NDST3: variants seen among roughly 807,000 people sequenced by gnomAD.
The protein encoded by NDST3 is bifunctional heparan sulfate N-deacetylase/N-sulfotransferase 3.
In NDST3, 58 loss-of-function variants were observed where a neutral mutation model predicts 96.1. The observed-to-expected ratio is 0.60, with a 90% CI of 0.49 to 0.75. The LOEUF (loss-of-function observed/expected upper bound fraction) is 0.75. NDST3 is among the 30% of genes least tolerant of loss of function. The probability of loss-of-function intolerance (pLI) is 0.00; values close to 1 mark genes in which losing one functional copy is unlikely to be tolerated. For missense variants in NDST3, 788 were observed against 1,034.2 expected, an observed-to-expected ratio of 0.76 and a Z score of 3.27; for synonymous variants, 333 against 359.7, an observed-to-expected ratio of 0.93 and a Z score of 0.84.
rs1267947456 is a variant in NDST3, at chr4:118,255,618, A to G, written c.2528A>G (p.Tyr843Cys). The part of the protein sequence containing the change: ...SDSRTFLSSY[Y>C]RDHNVELSKL... ...AGCAGGACATTTCTGTCAAGCTACT[A>G]TCGAGATCACAACGTGGAACTCTCA... The change falls in exon 14 of 14, where the codon TAT becomes TGT. Residue 843 changes from tyrosine to cysteine, a missense_variant. By Grantham distance (194) the Tyr-to-Cys change is radical (BLOSUM62 -2). Coordinates refer to ENST00000296499, the MANE Select transcript of NDST3 (RefSeq NM_004784.3). The G allele has an allele frequency of 2.5e-6, 4 of 1,613,628 alleles. No individual in the cohort carries two copies. Among genetic ancestry groups the G allele is most frequent in the Admixed American group, 1.7e-5 (1 of 59,992 alleles).
intron 2 of NDST3, among the ~76,000 whole-genome samples, chr4:118,088,597 T>G (rs2389519): frequency 0.75 from 114,338 of 151,904 alleles, 45,684 homozygotes; most frequent in South Asian, 0.92. Flanking sequence ...GACGTTAGCT[T>G]TTACATAACC....
At chr4:118,163,057 T>C (rs1304194162) in intron 6 of NDST3, among the ~76,000 whole-genome samples, 1 of 151,986 alleles carries the variant, frequency 6.6e-6, no homozygotes, top group East Asian at 1.9e-4. Context: ...TGAGATACCA[T>C]CTCACACCAG....
intron 2 of NDST3, among the ~76,000 whole-genome samples, chr4:118,091,992 A>G (rs797011838): frequency 1.5e-4 from 23 of 151,660 alleles, no homozygotes; most frequent in African/African-American, 5.3e-4. Flanking sequence ...GTTTCCAGCT[A>G]TGAGGCATTA....
chr4:118,080,991 G>A (rs1401134214), intron 2 of NDST3, among the ~76,000 whole-genome samples: 1 of 152,156 alleles, frequency 6.6e-6, no homozygotes, highest in Non-Finnish European at 1.5e-5. Flanking sequence ...AAAAGATAAT[G>A]AGGCTTTAGA....
At chr4:118,148,836 G>A (rs986507102) in intron 6 of NDST3, among the ~76,000 whole-genome samples, 4 of 152,048 alleles carry the variant, frequency 2.6e-5, no homozygotes, top group Non-Finnish European at 4.4e-5. Context: ...GAGACCCTTC[G>A]CTGAAAAATA....
chr4:118,089,371 G>A (rs1728687651), intron 2 of NDST3, among the ~76,000 whole-genome samples: 1 of 151,574 alleles, frequency 6.6e-6, no homozygotes, highest in African/African-American at 2.4e-5. Context: ...TTCCATTAAG[G>A]AATACATGTT....
intron 2 of NDST3, among the ~76,000 whole-genome samples, chr4:118,096,743 T>C (rs748228115): frequency 7.2e-5 from 11 of 151,792 alleles, no homozygotes; most frequent in Non-Finnish European, 1.6e-4. Context: ...AGGAATTGGC[T>C]TATGAGGTTA....
At chr4:118,068,581 C>T (rs1726791058) in intron 2 of NDST3, among the ~76,000 whole-genome samples, 2 of 151,962 alleles carry the variant, frequency 1.3e-5, no homozygotes, top group African/African-American at 4.8e-5. Flanking sequence ...GCAGATTCCC[C>T]AATTCCACAC....
intron 9 of NDST3, among the ~76,000 whole-genome samples, chr4:118,233,607 A>G (rs1278995086): frequency 1.4e-5 from 2 of 147,448 alleles, no homozygotes; most frequent in Non-Finnish European, 2.9e-5. Context: ...TCAAAGCTAT[A>G]AAAAAAACTA....
chr4:118,191,096 C>T (rs1344165986), intron 6 of NDST3, among the ~76,000 whole-genome samples: 1 of 152,084 alleles, frequency 6.6e-6, no homozygotes, highest in African/African-American at 2.4e-5. Context: ...AACTAGGCAA[C>T]AAATTTGCAT....
At chr4:118,179,838 A>C (rs895792521) in intron 6 of NDST3, among the ~76,000 whole-genome samples, 1 of 152,070 alleles carries the variant, frequency 6.6e-6, no homozygotes, top group African/African-American at 2.4e-5. Context: ...CAATTTAGTA[A>C]GTAATGTATC....
At chr4:118,113,474 T>C (rs1730810672) in intron 3 of NDST3, among the ~76,000 whole-genome samples, 1 of 152,228 alleles carries the variant, frequency 6.6e-6, no homozygotes. Flanking sequence ...ACTTAATCTT[T>C]GTTTCTTCTG....
Position 118,165,971 on chromosome 4 carries a change from AAAAT to A in NDST3, c.1539+22293_1539+22296del, listed in dbSNP as rs529488667. On this transcript the variant is annotated intron_variant, in intron 6 of 13. Coordinates refer to ENST00000296499, the MANE Select transcript of NDST3 (RefSeq NM_004784.3). Reference sequence around the variant, plus strand: ...TACATTTTTAAAAACAGAAAGAATTAAAATAAATAGTTTAATTCTACCTCAGGGA... The same window carrying A: ...TACATTTTTAAAAACAGAAAGAATTAAAATAGTTTAATTCTACCTCAGGGA... Among the ~76,000 whole-genome samples the A allele has an allele frequency of 7.8e-4, 119 of 152,032 alleles. 1 individual carries two copies. In the South Asian group the frequency reaches 0.012, roughly 16 times the overall value.
chr4:118,170,639 G>A (rs1274697545), intron 6 of NDST3, among the ~76,000 whole-genome samples: 3 of 152,188 alleles, frequency 2.0e-5, no homozygotes, highest in African/African-American at 7.2e-5. Flanking sequence ...TGAGGCAGAA[G>A]AATCGCTTGA....
At chr4:118,208,847 AACAATTAAT>A (rs1015000657) in intron 6 of NDST3, among the ~76,000 whole-genome samples, 1 of 144,800 alleles carries the variant, frequency 6.9e-6, no homozygotes, top group African/African-American at 2.5e-5. Flanking sequence ...GAAACTTAAC[AACAATTAAT>A]CACTAGCTTT....
chr4:118,041,566 T>C (rs527422183), intron 1 of NDST3, among the ~76,000 whole-genome samples: 25 of 152,292 alleles, frequency 1.6e-4, no homozygotes, highest in African/African-American at 5.8e-4. Flanking sequence ...ATAGGTTGAA[T>C]TCGGAGCAGA....
intron 6 of NDST3, among the ~76,000 whole-genome samples, chr4:118,176,007 A>G (rs913653812): frequency 6.6e-6 from 1 of 152,100 alleles, no homozygotes; most frequent in Admixed American, 6.6e-5. Context: ...TCTTACCTCC[A>G]AAGTGGCAAA....
At chr4:118,146,497 G>C (rs2125910276) in intron 6 of NDST3, among the ~76,000 whole-genome samples, 1 of 152,276 alleles carries the variant, frequency 6.6e-6, no homozygotes, top group Non-Finnish European at 1.5e-5. Flanking sequence ...ACTGGGGTGA[G>C]AAAGGGTTAC....
At chr4:118,242,803 T>A (rs1450229992) in intron 12 of NDST3, among the ~76,000 whole-genome samples, 1 of 152,040 alleles carries the variant, frequency 6.6e-6, no homozygotes, top group Non-Finnish European at 1.5e-5. Context: ...GTAAGGTCCA[T>A]GACCAGGGAC....
Sources: allele counts gnomAD v4.1 joint callset (sites outside exome capture counted in the v4.1 genomes callset), GRCh38; gene constraint gnomAD v4.1.1; transcripts MANE v1.5; gene names NCBI Gene and HGNC (gene_info 2026-07-23, HGNC 2026-07-21).